The following PPP2R3A variants were observed in gnomAD, a reference collection of about 807,000 sequenced individuals.
The protein encoded by PPP2R3A is protein phosphatase 2 regulatory subunit B''alpha, also known as serine/threonine-protein phosphatase 2A regulatory subunit B'' subunit alpha.
A neutral mutation model predicts 106.9 loss-of-function variants in PPP2R3A; 80 were observed. That is an observed-to-expected ratio of 0.75 (90% CI 0.62 to 0.90). PPP2R3A has a LOEUF of 0.90. Ranked by LOEUF, PPP2R3A falls within the 40% of genes least tolerant of loss-of-function variation. The probability of loss-of-function intolerance (pLI) is 0.00; values close to 1 mark genes in which losing one functional copy is unlikely to be tolerated. For missense variants in PPP2R3A, 1,386 were observed against 1,350.4 expected (o/e 1.03, Z -0.41); for synonymous variants, 483 against 468.3 (o/e 1.03, Z -0.41).
intron 3 of PPP2R3A, among the ~76,000 whole-genome samples, chr3:136,033,698 ATCT>A (rs1422895162): frequency 6.6e-6 from 1 of 151,962 alleles, no homozygotes; most frequent in African/African-American, 2.4e-5. Flanking sequence ...ACCTTGAATG[ATCT>A]TCTGTATTTC....
Position 136,026,945 on chromosome 3 carries a change from G to A in PPP2R3A, c.2109G>A (p.Ala703=), listed in dbSNP as rs113078246. The change falls in exon 3 of 14, where the codon GCG becomes GCA. Residue 703 remains alanine, a synonymous_variant. Transcript: ENST00000264977. ...CCCATGTGAATAATGTTGTGAATGCGCCATTGTCCATAAACATTCCACGGT... is the reference window on the plus strand; with the variant it reads ...CCCATGTGAATAATGTTGTGAATGCACCATTGTCCATAAACATTCCACGGT... The part of the protein sequence containing the change: ...PVPHVNNVVN[A]PLSINIPRFY... The A allele has an allele frequency of 7.7e-5, 125 of 1,613,534 alleles. 1 individual carries two copies. The African/African-American group carries it at 1.1e-3, about 14-fold the overall frequency.
intron 13 of PPP2R3A, among the ~76,000 whole-genome samples, chr3:136,122,331 A>T (rs1265463416): frequency 6.6e-6 from 1 of 152,198 alleles, no homozygotes; most frequent in Non-Finnish European, 1.5e-5. Context: ...GAAAAGAAAC[A>T]GGATGACAAA....
intron 7 of PPP2R3A, among the ~76,000 whole-genome samples, chr3:136,079,760 T>TA (rs1487391357): frequency 6.6e-6 from 1 of 151,242 alleles, no homozygotes; most frequent in Non-Finnish European, 1.5e-5. Context: ...TTTTTTTTTT[T>TA]ACCAGTGATA....
intron 13 of PPP2R3A, among the ~76,000 whole-genome samples, chr3:136,123,912 C>T (rs1938089602): frequency 6.6e-6 from 1 of 152,172 alleles, no homozygotes; most frequent in Non-Finnish European, 1.5e-5. Context: ...TATTAGGGCA[C>T]ACTCCACAAA....
chr3:136,102,269 A>G, intron 11 of PPP2R3A, 87 bp downstream of exon 11: 1 of 1,422,870 alleles, frequency 7.0e-7, no homozygotes, highest in South Asian at 1.4e-5. Flanking sequence ...ATTATTTAAC[A>G]TTTCAGAGTC....
chr3:136,024,793 A>G (rs1394057501), intron 2 of PPP2R3A, among the ~76,000 whole-genome samples: 2 of 152,174 alleles, frequency 1.3e-5, no homozygotes, highest in African/African-American at 2.4e-5. Context: ...AATAATGGAA[A>G]AGGAATGACA....
intron 2 of PPP2R3A, among the ~76,000 whole-genome samples, chr3:136,011,487 A>T (rs996662056): frequency 6.6e-6 from 1 of 152,162 alleles, no homozygotes; most frequent in Admixed American, 6.5e-5. Flanking sequence ...ATCCTTTTGT[A>T]AGAAGAAAAA....
intron 1 of PPP2R3A, among the ~76,000 whole-genome samples, chr3:135,993,447 G>T (rs2107776705): frequency 6.6e-6 from 1 of 152,304 alleles, no homozygotes; most frequent in East Asian, 1.9e-4. Flanking sequence ...GCTGCTAAGG[G>T]TATAAAATGG....
intron 1 of PPP2R3A, among the ~76,000 whole-genome samples, chr3:135,998,875 C>T (rs769224143): frequency 6.6e-6 from 1 of 152,140 alleles, no homozygotes; most frequent in Non-Finnish European, 1.5e-5. Flanking sequence ...AAAATACATA[C>T]ATTTATAAAT....
chr3:136,010,354 G>T (rs570500470), intron 2 of PPP2R3A, among the ~76,000 whole-genome samples: 22 of 141,052 alleles, frequency 1.6e-4, no homozygotes, highest in Non-Finnish European at 2.3e-4. Flanking sequence ...TGCCTCCCTC[G>T]ATTCTCCTGC....
chr3:136,022,715 C>A, intron 2 of PPP2R3A: 1 of 1,009,818 alleles, frequency 9.9e-7, no homozygotes, highest in Non-Finnish European at 1.2e-6. Flanking sequence ...AACTTTGGTA[C>A]ACAGAGTAGT....
At position 136,145,358 on chromosome 3, in the gene PPP2R3A, C is replaced by G. The variant is rs991749730; in HGVS notation, c.*192C>G. On this transcript the variant is annotated 3_prime_UTR_variant, in exon 14 of 14. Coordinates refer to ENST00000264977, the MANE Select transcript of PPP2R3A (RefSeq NM_002718.5). ...CTTAGGAGGCTCCTCCAATTTGCCT[C>G]AAACCTCTTACGGAGCTTCTCCTCA... 1 of 584,926 alleles carries G rather than the reference C, an allele frequency of 1.7e-6. No homozygotes were observed. The highest frequency in any genetic ancestry group is 1.9e-5 in the African/African-American group (1 of 51,298). 36.2% of individuals were successfully genotyped at this position (584,926 alleles called of 1,614,324 possible).
chr3:136,023,842 A>G (rs1298299656), intron 2 of PPP2R3A, among the ~76,000 whole-genome samples: 1 of 152,062 alleles, frequency 6.6e-6, no homozygotes, highest in Non-Finnish European at 1.5e-5. Flanking sequence ...CAGAGTCCCT[A>G]CTTTCTTGCT....
At chr3:136,110,262 A>C (rs1937574410) in intron 13 of PPP2R3A, among the ~76,000 whole-genome samples, 1 of 152,212 alleles carries the variant, frequency 6.6e-6, no homozygotes, top group Non-Finnish European at 1.5e-5. Context: ...AACAAATGGA[A>C]GAACTTATAC....
At chr3:136,113,236 A>G (rs900353420) in intron 13 of PPP2R3A, among the ~76,000 whole-genome samples, 1 of 152,226 alleles carries the variant, frequency 6.6e-6, no homozygotes, top group Non-Finnish European at 1.5e-5. Context: ...GGCTGCAGTA[A>G]CCAAAACAGC....
intron 10 of PPP2R3A, among the ~76,000 whole-genome samples, chr3:136,099,654 A>G (rs1399068792): frequency 6.6e-6 from 1 of 152,098 alleles, no homozygotes; most frequent in East Asian, 1.9e-4. Context: ...TAGAGACAAG[A>G]TACGAAAATT....
In PPP2R3A at chr3:136,001,313, C is replaced by T; in HGVS notation, c.-186C>T. ...ATTTGCCACACATGTGCAGCAGCTA[C>T]TGTATCCTGATAGTGACCAAACCTC... On this transcript the variant is annotated 5_prime_UTR_variant, in exon 2 of 14. Coordinates refer to ENST00000264977, the MANE Select transcript of PPP2R3A (RefSeq NM_002718.5). 1 of 557,036 alleles carries T rather than the reference C, an allele frequency of 1.8e-6. No homozygotes were observed. Among genetic ancestry groups the T allele is most frequent in the East Asian group, 2.9e-5 (1 of 34,750 alleles). The allele number at this position is 557,036 out of a possible 1,614,324, so 34.5% of individuals were successfully genotyped here. A position where few individuals can be genotyped will look rare whatever the true frequency, so the allele number is the denominator to read the frequency against.
rs1006861658 is a variant in PPP2R3A, at chr3:136,147,123, C to T, written c.*1957C>T. On this transcript the variant is annotated 3_prime_UTR_variant, in exon 14 of 14. Coordinates refer to ENST00000264977, the MANE Select transcript of PPP2R3A (RefSeq NM_002718.5). ...GTGACTCATGCCTGTAATCCCGGCA[C>T]TTTGGGAGGCCAAGGGAGGTGATCA... The T allele has an allele frequency of 7.2e-5, 11 of 152,088 alleles. No homozygotes were observed. The highest frequency in any genetic ancestry group is 1.6e-4 in the Non-Finnish European group (11 of 68,042). The allele number at this position is 152,088 out of a possible 1,614,324, so 9.4% of individuals were successfully genotyped here.
chr3:136,093,633 CA>C (rs929932187), intron 10 of PPP2R3A, among the ~76,000 whole-genome samples: 1 of 151,938 alleles, frequency 6.6e-6, no homozygotes, highest in East Asian at 1.9e-4. Context: ...TATGCATGGC[CA>C]ATAAGCACAT....
Sources: gnomAD v4.1 joint callset for allele counts (sites outside exome capture counted in the v4.1 genomes callset) on GRCh38, gnomAD v4.1.1 for gene constraint, MANE v1.5 for transcripts, NCBI Gene and HGNC (gene_info 2026-07-23, HGNC 2026-07-21) for gene names.